LAMC2: variants seen among roughly 807,000 people sequenced by gnomAD.
The protein encoded by LAMC2 is laminin subunit gamma 2, also known as laminin subunit gamma-2.
LAMC2 carries 97 observed loss-of-function variants against 140.2 expected under a neutral mutation model. That is an observed-to-expected ratio of 0.69 (90% confidence interval 0.59 to 0.82). The LOEUF is 0.82. Ranked by LOEUF, LAMC2 falls within the 40% of genes least tolerant of loss-of-function variation. The pLI, the probability that LAMC2 is intolerant of heterozygous loss-of-function variation, is 0.00. For synonymous variants in LAMC2, 513 were observed against 540.2 expected (o/e 0.95, Z 0.70); for missense variants, 1,402 against 1,476.1 (o/e 0.95, Z 0.82).
At chr1:183,236,728 G>A (rs1659975494) in intron 17 of LAMC2, 124 bp downstream of exon 17, 2 of 1,145,032 alleles carry the variant, frequency 1.7e-6, no homozygotes, top group Non-Finnish European at 1.3e-6. Context: ...CTGTTTTAGA[G>A]TGGGAAGAGT....
chr1:183,216,502 C>T (rs1353643396), intron 3 of LAMC2, among the ~76,000 whole-genome samples: 1 of 152,148 alleles, frequency 6.6e-6, no homozygotes, highest in African/African-American at 2.4e-5. Context: ...CGTCACTTTC[C>T]TCCCTGCTCC....
rs754056643 is a variant in LAMC2 at position 183,222,095 on chromosome 1, A to G, written c.647A>G (p.Asp216Gly). ...GATTATGTTTGTGTTCCAGATGTTG[A>G]TGGCTGGAAGGCTGTCCAACGAAAT... ...KITSTFHQDV[D>G]GWKAVQRNGS... Residue 216 changes from aspartate to glycine, a missense_variant, in exon 6 of 23, where the codon GAT becomes GGT. Transcript: ENST00000264144. The G allele has an allele frequency of 1.2e-6, 2 of 1,614,136 alleles. No homozygotes were observed. The highest frequency in any genetic ancestry group is 2.2e-5 in the South Asian group (2 of 91,078).
At chr1:183,245,941 G>T (rs931326454), downstream of LAMC2, among the ~76,000 whole-genome samples, 3 of 152,198 alleles carry the variant, frequency 2.0e-5, no homozygotes, top group African/African-American at 4.8e-5. Context: ...AGGCCGAAAT[G>T]GGCGGATCAC....
At chr1:183,219,055 C>T (rs1263164159) in intron 4 of LAMC2, among the ~76,000 whole-genome samples, 1 of 152,200 alleles carries the variant, frequency 6.6e-6, no homozygotes, top group Admixed American at 6.5e-5. Flanking sequence ...AGCAGTGAGG[C>T]ACCATCCCCC....
Position 183,232,300 on chromosome 1 carries a change from G to A in LAMC2, c.1971G>A (p.Glu657=), listed in dbSNP as rs529756480. 1.3e-5 allele frequency: 21 copies of A among 1,614,110 alleles called. No homozygotes were observed. In the South Asian group the frequency reaches 2.2e-4, roughly 17 times the overall value. The part of the protein sequence containing the change: ...TELEGRMQQA[E]QALQDILRDA... ...TGGAAGGCAGGATGCAGCAGGCTGA[G>A]CAGGCCCTTCAGGACATTCTGAGAG... The change falls in exon 13 of 23, where the codon GAG becomes GAA. Residue 657 remains glutamate (E), a synonymous_variant. Transcript: ENST00000264144.
chr1:183,234,123 G>A (rs1008639152), intron 14 of LAMC2, among the ~76,000 whole-genome samples: 5 of 152,126 alleles, frequency 3.3e-5, no homozygotes, highest in Admixed American at 1.3e-4. Context: ...CTGACCTCAG[G>A]TGATTCACCC....
rs983795804 is a variant in LAMC2 at position 183,232,844 on chromosome 1, C to T, written c.2207C>T (p.Ser736Phe). The change falls in exon 14 of 23, where the codon TCC (serine) becomes TTC (phenylalanine). Residue 736 changes from serine to phenylalanine, a missense_variant. Around this residue, in one of 3 missense-constraint regions of LAMC2, gnomAD observed 670 missense variants for 667.2 expected, o/e 1.00. Coordinates refer to ENST00000264144, the MANE Select transcript of LAMC2 (RefSeq NM_005562.3). Reference sequence around the variant, plus strand: ...CTGAGCCTGGCAGAAAGTGAAGCTTCCTTGGGAAACACTGTAGGTTTTTGC... The same window carrying T: ...CTGAGCCTGGCAGAAAGTGAAGCTTTCTTGGGAAACACTGTAGGTTTTTGC... ...MQLSLAESEA[S>F]LGNTNIPASD... 2 of 1,614,000 alleles carry T rather than the reference C, an allele frequency of 1.2e-6. No individual in the cohort carries two copies. The highest frequency in any genetic ancestry group is 1.7e-6 in the Non-Finnish European group (2 of 1,179,924).
rs2102246733 is a variant in LAMC2, at chr1:183,236,399, A to G, written c.2457-61A>G. On this transcript the variant is annotated intron_variant, in intron 16 of 22. Coordinates refer to ENST00000264144, the MANE Select transcript of LAMC2 (RefSeq NM_005562.3). ...GTGAAACCCTGTCTCAAAAAAAAAAAAAAAAAAGAATTCTCAAAGTCCTCT... is the reference window on the plus strand; with the variant it reads ...GTGAAACCCTGTCTCAAAAAAAAAAGAAAAAAAGAATTCTCAAAGTCCTCT... 3 of 1,520,590 alleles carry G rather than the reference A, an allele frequency of 2.0e-6. No homozygotes were observed. In the East Asian group the frequency reaches 6.9e-5, roughly 35 times the overall value. 94.2% of individuals were successfully genotyped at this position (1,520,590 alleles called of 1,614,324 possible). A position where few individuals can be genotyped will look rare whatever the true frequency, so the allele number is the denominator to read the frequency against.
intron 1 of LAMC2, among the ~76,000 whole-genome samples, chr1:183,191,298 A>T (rs546134027): frequency 6.6e-6 from 1 of 152,144 alleles, no homozygotes; most frequent in African/African-American, 2.4e-5. Context: ...GGAAATTCCC[A>T]TATGGGCTTA....
At chr1:183,213,212 C>T (rs1659126059) in intron 2 of LAMC2, among the ~76,000 whole-genome samples, 1 of 152,224 alleles carries the variant, frequency 6.6e-6, no homozygotes, top group Non-Finnish European at 1.5e-5. Context: ...AACTCAACAT[C>T]TAAGGAGATG....
At chr1:183,220,080 A>T (rs1249057311) in intron 4 of LAMC2, among the ~76,000 whole-genome samples, 1 of 152,240 alleles carries the variant, frequency 6.6e-6, no homozygotes, top group Non-Finnish European at 1.5e-5. Flanking sequence ...ACATTATTTC[A>T]TGTGGAAGGA....
At chr1:183,234,919 T>A (rs1659907535) in intron 15 of LAMC2, among the ~76,000 whole-genome samples, 1 of 152,190 alleles carries the variant, frequency 6.6e-6, no homozygotes, top group African/African-American at 2.4e-5. Context: ...CCCTTCATCC[T>A]TGGCTCTGAC....
chr1:183,202,028 TA>T (rs897394388), intron 1 of LAMC2, among the ~76,000 whole-genome samples: 180 of 151,512 alleles, frequency 1.2e-3, no homozygotes, highest in African/African-American at 4.2e-3. Flanking sequence ...TTTATTGACT[TA>T]AAAAAAATAC....
intron 7 of LAMC2, 69 bp from the exon 8 acceptor site, chr1:183,225,539 C>A: frequency 9.3e-7 from 1 of 1,080,000 alleles, no homozygotes; most frequent in South Asian, 1.2e-5. Flanking sequence ...TATCCTCAGG[C>A]ATAATTTATA....
chr1:183,193,123 T>C (rs1207701613), intron 1 of LAMC2, among the ~76,000 whole-genome samples: 1 of 152,254 alleles, frequency 6.6e-6, no homozygotes, highest in Non-Finnish European at 1.5e-5. Flanking sequence ...CATTTGTGTA[T>C]ATGATTCAAT....
chr1:183,256,980 G>GA, the LAMC2 span, among the ~76,000 whole-genome samples: 1 of 151,984 alleles, frequency 6.6e-6, no homozygotes, highest in Non-Finnish European at 1.5e-5. Flanking sequence ...TTGAACTCCT[G>GA]ACCTCAAGTG....
At chr1:183,239,876 C>G in intron 20 of LAMC2, 164 bp from the exon 21 acceptor site, 1 of 820,258 alleles carries the variant, frequency 1.2e-6, no homozygotes, top group South Asian at 1.5e-5. Flanking sequence ...TGAGGCAGAG[C>G]TTGGCAAAGT....
chr1:183,203,980 T>C (rs16860525), intron 1 of LAMC2, among the ~76,000 whole-genome samples: 19,632 of 152,158 alleles, frequency 0.13, 1,238 homozygotes, highest in East Asian at 0.21. Flanking sequence ...TGCAACTCCA[T>C]TGAAGGCTGT....
chr1:183,240,432 C>G, intron 22 of LAMC2, 41 bp downstream of exon 22: 1 of 1,612,002 alleles, frequency 6.2e-7, no homozygotes, highest in Non-Finnish European at 8.5e-7. Flanking sequence ...GCTCCATGCT[C>G]CAGGGCTTTG....
Sources: allele counts gnomAD v4.1 joint callset (sites outside exome capture counted in the v4.1 genomes callset), GRCh38; gene constraint gnomAD v4.1.1; regional missense constraint gnomAD v4.1.1; transcripts MANE v1.5; gene names NCBI Gene and HGNC (gene_info 2026-07-23, HGNC 2026-07-21).